Variants in ZBTB7C observed in about 807,000 individuals in gnomAD.
ZBTB7C encodes the protein zinc finger and BTB domain-containing protein 7C.
A neutral mutation model predicts 25.7 loss-of-function variants in ZBTB7C; 8 were observed. The observed-to-expected ratio is 0.31, with a 90% CI of 0.18 to 0.56. ZBTB7C has a LOEUF of 0.56. Ranked by LOEUF, ZBTB7C falls within the 20% of genes least tolerant of loss-of-function variation. The pLI is 0.91. For synonymous variants in ZBTB7C, 394 were observed against 369.0 expected (o/e 1.07, Z -0.78); for missense variants, 824 against 855.2 (o/e 0.96, Z 0.46).
chr18:48,137,628 A>G (rs2040216408), intron 3 of ZBTB7C, among the ~76,000 whole-genome samples: 1 of 152,222 alleles, frequency 6.6e-6, no homozygotes, highest in South Asian at 2.1e-4. Context: ...AACCAAATCA[A>G]ACACTAAACA....
chr18:48,306,740 C>T (rs72909642), intron 2 of ZBTB7C, among the ~76,000 whole-genome samples: 18,496 of 152,086 alleles, frequency 0.12, 1,493 homozygotes, highest in Non-Finnish European at 0.17. Context: ...GGGTCAGAGC[C>T]CAGCTATCCC....
At chr18:48,049,941 C>A (rs2036617590) in intron 3 of ZBTB7C, among the ~76,000 whole-genome samples, 1 of 152,196 alleles carries the variant, frequency 6.6e-6, no homozygotes, top group Non-Finnish European at 1.5e-5. Flanking sequence ...CGGAAGCTGT[C>A]CCCACCCAGT....
At chr18:48,367,370 AT>A (rs1347023190) in intron 1 of ZBTB7C, among the ~76,000 whole-genome samples, 31 of 111,944 alleles carry the variant, frequency 2.8e-4, no homozygotes, top group Middle Eastern at 4.6e-3. Flanking sequence ...ATATATATAT[AT>A]AAAATACAAA....
intron 2 of ZBTB7C, among the ~76,000 whole-genome samples, chr18:48,257,848 T>C (rs189983897): frequency 6.6e-6 from 1 of 150,580 alleles, no homozygotes; most frequent in African/African-American, 2.4e-5. Flanking sequence ...AAATCAAACA[T>C]CCATTTCTGA....
At chr18:48,134,928 A>G (rs2040099206) in intron 3 of ZBTB7C, among the ~76,000 whole-genome samples, 1 of 152,226 alleles carries the variant, frequency 6.6e-6, no homozygotes, top group Non-Finnish European at 1.5e-5. Context: ...ATTCCACTGC[A>G]TCCCCTTGAA....
rs374890653 is a variant in ZBTB7C at position 48,040,074 on chromosome 18, C to T, written c.1034G>A (p.Gly345Asp). 34 of 1,612,480 alleles carry T rather than the reference C, an allele frequency of 2.1e-5. No homozygotes were observed. The African/African-American group carries it at 4.4e-4, about 21-fold the overall frequency. ...LNFLSATHLG[G>D]LFPPWPLVEE... ...TACCAGGGGCCAGGGTGGGAAGAGG[C>T]CTCCCAGGTGGGTGGCACTCAGGAA... Residue 345 changes from glycine (G) to aspartate (D), a missense_variant, in exon 4 of 5, where the codon GGC (glycine) becomes GAC (aspartate). This residue lies in a region of ZBTB7C where 316 missense variants were observed against 299.2 expected (regional missense o/e 1.06). Transcript: ENST00000590800.
intron 1 of ZBTB7C, among the ~76,000 whole-genome samples, chr18:48,404,583 T>C (rs1568428380): frequency 6.6e-6 from 1 of 152,156 alleles, no homozygotes; most frequent in Non-Finnish European, 1.5e-5. Flanking sequence ...CATTACCTGT[T>C]GTACTGATGA....
intron 2 of ZBTB7C, among the ~76,000 whole-genome samples, chr18:48,302,016 C>T (rs1029566775): frequency 6.6e-6 from 1 of 151,998 alleles, no homozygotes; most frequent in Non-Finnish European, 1.5e-5. Flanking sequence ...AACTGCCACT[C>T]CCCGGCTTTT....
intron 3 of ZBTB7C, among the ~76,000 whole-genome samples, chr18:48,132,175 G>A (rs1208501558): frequency 6.6e-6 from 1 of 152,144 alleles, no homozygotes; most frequent in African/African-American, 2.4e-5. Flanking sequence ...CCCATTATGG[G>A]TAAATATAAT....
intron 3 of ZBTB7C, among the ~76,000 whole-genome samples, chr18:48,081,738 A>G (rs1268161937): frequency 2.0e-5 from 3 of 152,154 alleles, no homozygotes; most frequent in Admixed American, 1.3e-4. Context: ...TACCATGTGC[A>G]GAAGACTCTG....
intron 2 of ZBTB7C, among the ~76,000 whole-genome samples, chr18:48,260,998 G>A (rs752043320): frequency 6.6e-6 from 1 of 152,204 alleles, no homozygotes; most frequent in Non-Finnish European, 1.5e-5. Flanking sequence ...GGGCAGCAAG[G>A]AAAACACTGA....
At chr18:48,055,795 C>T (rs985047382) in intron 3 of ZBTB7C, among the ~76,000 whole-genome samples, 10 of 152,116 alleles carry the variant, frequency 6.6e-5, no homozygotes, top group East Asian at 1.9e-4. Context: ...CAGCTACCAC[C>T]GCTCGTCGTC....
intron 2 of ZBTB7C, among the ~76,000 whole-genome samples, chr18:48,292,331 G>C (rs1488642467): frequency 6.6e-6 from 1 of 152,104 alleles, no homozygotes; most frequent in African/African-American, 2.4e-5. Context: ...CACAACTGAG[G>C]AACCAAGAAG....
chr18:48,038,607 C>T (rs1373818980), intron 4 of ZBTB7C, among the ~76,000 whole-genome samples: 1 of 149,080 alleles, frequency 6.7e-6, no homozygotes, highest in Non-Finnish European at 1.5e-5. Flanking sequence ...CAGTCTCATT[C>T]ACAACCTTGC....
chr18:48,283,565 A>G (rs534053305), intron 2 of ZBTB7C, among the ~76,000 whole-genome samples: 47 of 152,242 alleles, frequency 3.1e-4, no homozygotes, highest in Non-Finnish European at 5.1e-4. Context: ...TCTCAGAACC[A>G]TAATTTAGAC....
intron 1 of ZBTB7C, among the ~76,000 whole-genome samples, chr18:48,406,145 C>T (rs957827863): frequency 4.6e-5 from 7 of 152,164 alleles, no homozygotes; most frequent in African/African-American, 1.2e-4. Flanking sequence ...CCCACACCCC[C>T]GCCCCAGCCT....
intron 1 of ZBTB7C, among the ~76,000 whole-genome samples, chr18:48,389,247 G>A (rs1263336286): frequency 6.5e-5 from 9 of 137,624 alleles, no homozygotes; most frequent in African/African-American, 2.8e-4. Flanking sequence ...GTGTGTGTGT[G>A]TGTGTGTGTG....
intron 3 of ZBTB7C, among the ~76,000 whole-genome samples, chr18:48,173,035 T>C (rs2041544356): frequency 6.6e-6 from 1 of 152,236 alleles, no homozygotes; most frequent in African/African-American, 2.4e-5. Flanking sequence ...TTGGAGCAAC[T>C]TGAAAGCTCC....
At chr18:48,149,030 G>A (rs1233308685) in intron 3 of ZBTB7C, 2 of 152,282 alleles carry the variant, frequency 1.3e-5, no homozygotes, top group African/African-American at 4.8e-5. Flanking sequence ...GGTCCTGCCA[G>A]CTTACACATT....
Sources: gnomAD v4.1 joint callset for allele counts (sites outside exome capture counted in the v4.1 genomes callset) on GRCh38, gnomAD v4.1.1 for gene constraint, gnomAD v4.1.1 regional missense constraint, MANE v1.5 for transcripts, NCBI Gene and HGNC (gene_info 2026-07-23, HGNC 2026-07-21) for gene names.